SRCIN1: variants seen among roughly 807,000 people sequenced by gnomAD.
The protein encoded by SRCIN1 is P130Cas-associated protein.
Under a neutral mutation model 116.2 loss-of-function variants are expected in SRCIN1, and 50 were observed. The ratio of observed to expected loss-of-function variants is 0.43; its 90% CI spans 0.34 to 0.54. SRCIN1 has a LOEUF of 0.54. Ranked by LOEUF, SRCIN1 falls within the 20% of genes least tolerant of loss-of-function variation. The probability of loss-of-function intolerance (pLI) is 0.02; values close to 1 mark genes in which losing one functional copy is unlikely to be tolerated. For synonymous variants in SRCIN1, 736 were observed against 750.0 expected, an observed-to-expected ratio of 0.98 and a Z score of 0.30; for missense variants, 1,446 against 1,672.0, an observed-to-expected ratio of 0.86 and a Z score of 2.36.
chr17:38,589,001 A>C (rs1049911568), intron 1 of SRCIN1, among the ~76,000 whole-genome samples: 2 of 152,180 alleles, frequency 1.3e-5, no homozygotes, highest in Admixed American at 1.3e-4. Context: ...GGTTCCCAGC[A>C]CACACTCAGT....
intron 1 of SRCIN1, among the ~76,000 whole-genome samples, chr17:38,583,852 C>G (rs8071088): frequency 0.27 from 41,649 of 152,128 alleles, 6,593 homozygotes; most frequent in African/African-American, 0.44. Flanking sequence ...CGCGCCAGGC[C>G]AAAGTAGGTT....
At chr17:38,537,143 A>C (rs1047842207) in intron 18 of SRCIN1, among the ~76,000 whole-genome samples, 3 of 151,652 alleles carry the variant, frequency 2.0e-5, no homozygotes, top group African/African-American at 7.3e-5. Context: ...GCACCACTGC[A>C]CTCCAGCCTG....
In SRCIN1 at chr17:38,583,045, G is replaced by T. The variant is rs138189146; in HGVS notation, c.23-4254C>A. 2.6e-3 allele frequency among the ~76,000 whole-genome samples: 400 copies of T among 152,248 alleles called. 2 individuals are homozygous for T. Among genetic ancestry groups the T allele is most frequent in the East Asian group, 4.1e-3 (21 of 5,178 alleles). The stretch of plus-strand genomic sequence containing the variant: ...GGCCAGAGACACCCTGGGTGTCTTA[G>T]CAACTTTTCTGAGACCCCAGGCTAG... On this transcript the variant is annotated intron_variant, in intron 1 of 18. Transcript: ENST00000617146.
intron 11 of SRCIN1, among the ~76,000 whole-genome samples, chr17:38,557,935 AC>A (rs1905913868): frequency 6.6e-6 from 1 of 152,238 alleles, no homozygotes; most frequent in African/African-American, 2.4e-5. Flanking sequence ...GCAGCTGGCC[AC>A]ATGACAGTGA....
At chr17:38,554,865 G>A (rs1316526098) in intron 11 of SRCIN1, among the ~76,000 whole-genome samples, 2 of 152,078 alleles carry the variant, frequency 1.3e-5, no homozygotes, top group East Asian at 3.9e-4. Context: ...TCAATCCAGG[G>A]GCAAACAACT....
At position 38,552,465 on chromosome 17, in the gene SRCIN1, G is replaced by T; in HGVS notation, c.2462C>A (p.Thr821Lys). The change falls in exon 13 of 19, where the codon ACG (threonine) becomes AAG (lysine). Residue 821 changes from threonine (T) to lysine (K), a missense_variant. Transcript: ENST00000617146. The surrounding 1 kb of genome is among the most constrained non-coding windows in gnomAD (Gnocchi z 5.3). ...GAATGACCTTCGGATCTGGGCCAGCGTGTCCGTGACCCCGCGGCAGCGCTT... is the reference window on the plus strand; with the variant it reads ...GAATGACCTTCGGATCTGGGCCAGCTTGTCCGTGACCCCGCGGCAGCGCTT... ...LLKRCRGVTD[T>K]LAQIRRQVDE... The T allele has an allele frequency of 1.2e-6, 2 of 1,602,836 alleles. No homozygotes were observed. Among genetic ancestry groups the T allele is most frequent in the Admixed American group, 1.7e-5 (1 of 58,162 alleles).
At position 38,548,619 on chromosome 17, in the gene SRCIN1, G is replaced by T; in HGVS notation, c.3208C>A (p.Pro1070Thr). ...TCCTTGATGGCCGAGGCCATGATGG[G>T]TGGTGTGGAGGCTGGGCGGGCCACC... ...SEVARPASTP[P>T]IMASAIKDED... Residue 1070 changes from proline to threonine, a missense_variant, in exon 17 of 19, where the codon CCC becomes ACC. By Grantham distance (38) the Pro-to-Thr change is conservative. Around this residue, in one of 5 missense-constraint regions of SRCIN1, gnomAD observed 531 missense variants for 633.9 expected, o/e 0.84. Transcript: ENST00000617146. 1.2e-6 allele frequency: 2 copies of T among 1,613,202 alleles called. No individual in the cohort carries two copies. Among genetic ancestry groups the T allele is most frequent in the Non-Finnish European group, 1.7e-6 (2 of 1,179,796 alleles).
intron 3 of SRCIN1, among the ~76,000 whole-genome samples, chr17:38,565,152 G>C (rs936847235): frequency 6.6e-6 from 1 of 152,156 alleles, no homozygotes; most frequent in African/African-American, 2.4e-5. Context: ...CTCTCTCCGT[G>C]GGGGAGGGGG....
At position 38,569,242 on chromosome 17, in the gene SRCIN1, T is replaced by C. The variant is rs765983053; in HGVS notation, c.325-1011A>G. 7.0e-4 allele frequency among the ~76,000 whole-genome samples: 107 copies of C among 152,084 alleles called. 1 individual carries two copies. The highest frequency in any genetic ancestry group is 1.2e-3 in the Non-Finnish European group (81 of 68,004). Reference sequence around the variant, plus strand: ...GACCAGAAGGCCCTTCCAGATGGCTTAGTACAAGGAAAGAGCTGCCCTGGG... The same window carrying C: ...GACCAGAAGGCCCTTCCAGATGGCTCAGTACAAGGAAAGAGCTGCCCTGGG... On this transcript the variant is annotated intron_variant, in intron 2 of 18. Transcript: ENST00000617146.
At position 38,533,411 on chromosome 17, in the gene SRCIN1, C is replaced by T. The variant is rs1180662418; in HGVS notation, c.3438G>A (p.Glu1146=). 1.2e-6 allele frequency: 2 copies of T among 1,613,246 alleles called. No individual in the cohort carries two copies. Among genetic ancestry groups the T allele is most frequent in the Admixed American group, 3.3e-5 (2 of 59,974 alleles). The part of the protein sequence containing the change: ...AQQQATKPSK[E]MSGSNETSSP... ...TCGAGGTCTCATTCGACCCGCTCAT[C>T]TCTTTAGATGGTTTAGTGGCCTGGA... Residue 1146 remains glutamate, a synonymous_variant, in exon 19 of 19, where the codon GAG becomes GAA. Coordinates refer to ENST00000617146, the MANE Select transcript of SRCIN1 (RefSeq NM_025248.3).
intron 16 of SRCIN1, 90 bp from the exon 17 acceptor site, chr17:38,548,799 C>T: frequency 7.0e-7 from 1 of 1,435,516 alleles, no homozygotes; most frequent in Non-Finnish European, 9.1e-7. Flanking sequence ...TGTACCCCAG[C>T]TTCTCGTCTG....
Position 38,563,201 on chromosome 17 carries a change from G to A in SRCIN1, c.740+122C>T. ...AGGGGGCGGGGCGGTAGGGCTCTGG[G>A]AGGGGAGGGGAAAGGCTGAGGTCGG... On this transcript the variant is annotated intron_variant, in intron 5 of 18. Coordinates refer to ENST00000617146, the MANE Select transcript of SRCIN1 (RefSeq NM_025248.3). The surrounding 1 kb of genome is among the most constrained non-coding windows in gnomAD (Gnocchi z 5.8). The A allele has an allele frequency of 8.8e-7, 1 of 1,136,672 alleles. No homozygotes were observed. The highest frequency in any genetic ancestry group is 1.2e-6 in the Non-Finnish European group (1 of 800,916). 70.4% of individuals were successfully genotyped at this position (1,136,672 alleles called of 1,614,324 possible). A position where few individuals can be genotyped will look rare whatever the true frequency, so the allele number is the denominator to read the frequency against.
intron 1 of SRCIN1, among the ~76,000 whole-genome samples, chr17:38,587,989 A>G (rs928532446): frequency 2.0e-5 from 3 of 151,446 alleles, no homozygotes; most frequent in African/African-American, 7.3e-5. Context: ...CACTGCATCC[A>G]CTGACTAGTT....
chr17:38,547,686 G>A (rs1905148408), intron 17 of SRCIN1: 1 of 280,332 alleles, frequency 3.6e-6, no homozygotes, highest in Non-Finnish European at 7.0e-6. Flanking sequence ...GGGTTAGCGT[G>A]GGAGGTGAGG....
Position 38,563,928 on chromosome 17 carries a change from G to A in SRCIN1, c.541+190C>T. ...GAGAGAGGAGGCTTGGAGGGAAAGGGGTCGGGTGGGGATGCTGAGGGCGAG... is the reference window on the plus strand; with the variant it reads ...GAGAGAGGAGGCTTGGAGGGAAAGGAGTCGGGTGGGGATGCTGAGGGCGAG... On this transcript the variant is annotated intron_variant, in intron 4 of 18. Coordinates refer to ENST00000617146, the MANE Select transcript of SRCIN1 (RefSeq NM_025248.3). This position sits in a 1 kb window ranked among gnomAD's most constrained non-coding sequence, Gnocchi z 5.8. 2 of 649,564 alleles carry A rather than the reference G, an allele frequency of 3.1e-6. No homozygotes were observed. Among genetic ancestry groups the A allele is most frequent in the Non-Finnish European group, 5.3e-6 (2 of 378,798 alleles). 40.2% of individuals were successfully genotyped at this position (649,564 alleles called of 1,614,324 possible).
chr17:38,556,701 A>C (rs1271002578), intron 11 of SRCIN1, among the ~76,000 whole-genome samples: 2 of 152,194 alleles, frequency 1.3e-5, no homozygotes, highest in East Asian at 3.9e-4. Context: ...AGGATGGAGA[A>C]TCCTGCCAGA....
intron 7 of SRCIN1, 137 bp from the exon 8 acceptor site, chr17:38,560,562 C>T: frequency 1.4e-6 from 1 of 693,412 alleles, no homozygotes; most frequent in East Asian, 2.7e-5. Context: ...ACGCAAAGGG[C>T]CCCAATGCCT....
intron 1 of SRCIN1, among the ~76,000 whole-genome samples, chr17:38,589,489 A>G (rs1567881793): frequency 1.3e-5 from 2 of 152,198 alleles, no homozygotes; most frequent in Non-Finnish European, 2.9e-5. Flanking sequence ...CCACTTTGCC[A>G]GGTTCGGGGC....
chr17:38,562,743 T>C lies in SRCIN1; in HGVS notation c.834+84A>G. 1 of 1,249,344 alleles carries C rather than the reference T, an allele frequency of 8.0e-7. No homozygotes were observed. The highest frequency in any genetic ancestry group is 2.2e-5 in the Admixed American group (1 of 45,320). 77.4% of individuals were successfully genotyped at this position (1,249,344 alleles called of 1,614,324 possible). On this transcript the variant is annotated intron_variant, in intron 6 of 18. Transcript: ENST00000617146. This position sits in a 1 kb window ranked among gnomAD's most constrained non-coding sequence, Gnocchi z 4.2. ...CTGTCTTCTCCAAAGCTGGCCCTGG[T>C]TCCAGATGACAACTGCCCAGACCCT...
Sources: allele counts gnomAD v4.1 joint callset (sites outside exome capture counted in the v4.1 genomes callset), GRCh38; gene constraint gnomAD v4.1.1; regional missense constraint gnomAD v4.1.1; non-coding constraint Gnocchi (gnomAD v3.1); transcripts MANE v1.5; gene names NCBI Gene and HGNC (gene_info 2026-07-23, HGNC 2026-07-21).